ZNF285: variants seen among roughly 807,000 people sequenced by gnomAD.
The protein encoded by ZNF285 is zinc finger protein 285, also known as zinc finger protein 285A.
Under a neutral mutation model 6.2 loss-of-function variants are expected in ZNF285, and 4 were observed. That is an observed-to-expected ratio of 0.65 (90% confidence interval 0.32 to 1.49). The LOEUF is 1.49. Among genes scored for constraint, ZNF285 ranks in the 40% most tolerant of loss-of-function variants. The pLI is 0.07. For synonymous variants in ZNF285, 240 were observed against 245.8 expected, an observed-to-expected ratio of 0.98 and a Z score of 0.22; for missense variants, 695 against 708.8, an observed-to-expected ratio of 0.98 and a Z score of 0.22.
In ZNF285 at chr19:44,384,905, G is replaced by A. The variant is rs936092990; in HGVS notation, c.*1567C>T. On this transcript the variant is annotated 3_prime_UTR_variant, in exon 4 of 4. Coordinates refer to ENST00000614994, the MANE Select transcript of ZNF285 (RefSeq NM_152354.6). ...CCCAGCTACTCAGGAGGCTGAGGCA[G>A]GAGGATCACTGAAGCCAGGAGTTCA... The A allele has an allele frequency of 4.6e-5, 7 of 150,930 alleles. No homozygotes were observed. Among genetic ancestry groups the A allele is most frequent in the African/African-American group, 1.7e-4 (7 of 40,794 alleles). 9.3% of individuals were successfully genotyped at this position (150,930 alleles called of 1,614,324 possible).
intron 3 of ZNF285, among the ~76,000 whole-genome samples, chr19:44,388,564 C>A (rs1402179808): frequency 6.6e-6 from 1 of 151,952 alleles, no homozygotes; most frequent in Non-Finnish European, 1.5e-5. Flanking sequence ...AGAGCAAGAC[C>A]TTTCCACCCC....
At position 44,382,966 on chromosome 19, in the gene ZNF285, C is replaced by T. The variant is rs1331397597; in HGVS notation, c.*3506G>A. 1 of 152,184 alleles carries T rather than the reference C, an allele frequency of 6.6e-6. No individual in the cohort carries two copies. The highest frequency in any genetic ancestry group is 1.5e-5 in the Non-Finnish European group (1 of 68,036). The allele number at this position is 152,184 out of a possible 1,614,324, so 9.4% of individuals were successfully genotyped here. ...GGCCCCAGATAGCTCCTCACCTAGG[C>T]ATCCCAAAGGGAACTCCCAGAATTA... On this transcript the variant is annotated 3_prime_UTR_variant, in exon 4 of 4. Transcript: ENST00000614994.
At position 44,387,501 on chromosome 19, in the gene ZNF285, A is replaced by C. The variant is rs1372696154; in HGVS notation, c.744T>G (p.His248Gln). 1 of 1,614,018 alleles carries C rather than the reference A, an allele frequency of 6.2e-7. No individual in the cohort carries two copies. The part of the protein sequence containing the change: ...GVAFADDTDP[H>Q]VHHSTHLGEK... ...CTCCTAGGTGAGTGCTGTGATGGACATGAGGATCTGTATCATCTGCAAAGG... is the reference window on the plus strand; with the variant it reads ...CTCCTAGGTGAGTGCTGTGATGGACCTGAGGATCTGTATCATCTGCAAAGG... The change falls in exon 4 of 4, where the codon CAT becomes CAG. Residue 248 changes from histidine (H) to glutamine (Q), a missense_variant. By Grantham distance (24) the His-to-Gln change is conservative. Transcript: ENST00000614994.
In ZNF285 at chr19:44,387,691, A is replaced by G; in HGVS notation, c.554T>C (p.Leu185Pro). 1.2e-6 allele frequency: 2 copies of G among 1,613,786 alleles called. No individual in the cohort carries two copies. The highest frequency in any genetic ancestry group is 8.5e-7 in the Non-Finnish European group (1 of 1,179,842). ...LYRRAQHDDS[L>P]SWTSCDHHES... ...ATGATGATCACATGAGGTCCAACTG[A>G]GGCTGTCATCATGCTGAGCACGTCT... Residue 185 changes from leucine to proline, a missense_variant, in exon 4 of 4, where the codon CTC becomes CCC. Transcript: ENST00000614994.
In ZNF285 at chr19:44,392,442, C is replaced by T. The variant is rs1425013296; in HGVS notation, c.40G>A (p.Ala14Thr). 1 of 1,613,860 alleles carries T rather than the reference C, an allele frequency of 6.2e-7. No homozygotes were observed. Among genetic ancestry groups the T allele is most frequent in the Non-Finnish European group, 8.5e-7 (1 of 1,179,838 alleles). ...FQERVTFKDV[A>T]VVFTKEELAL... ...AGCTCTTCCTTGGTGAAGACAACAG[C>T]CACATCCTTGAATGTCACCCTTTCC... The change falls in exon 3 of 4, where the codon GCT (alanine) becomes ACT (threonine). Residue 14 changes from alanine (A) to threonine (T), a missense_variant. Coordinates refer to ENST00000614994, the MANE Select transcript of ZNF285 (RefSeq NM_152354.6).
At chr19:44,388,205 T>A (rs549437368) in intron 3 of ZNF285, 103 bp from the exon 4 acceptor site, 1 of 1,059,670 alleles carries the variant, frequency 9.4e-7, no homozygotes, top group East Asian at 2.4e-5. Flanking sequence ...CCCTGGGTTC[T>A]ATTGACGTAT....
intron 1 of ZNF285, among the ~76,000 whole-genome samples, chr19:44,399,830 G>A (rs1447457703): frequency 6.6e-6 from 1 of 152,154 alleles, no homozygotes; most frequent in African/African-American, 2.4e-5. Flanking sequence ...ATCCTGGGGA[G>A]TGACAGGGAG....
intron 2 of ZNF285, among the ~76,000 whole-genome samples, chr19:44,396,006 G>C (rs2571134): frequency 0.33 from 49,666 of 151,992 alleles, 11,497 homozygotes; most frequent in East Asian, 0.75. Flanking sequence ...GTGAACATTT[G>C]GTGAACTGTT....
rs1440961309 is a variant in ZNF285 at position 44,387,066 on chromosome 19, G to T, written c.1179C>A (p.Val393=). 6.2e-7 allele frequency: 1 copy of T among 1,613,954 alleles called. No homozygotes were observed. The highest frequency in any genetic ancestry group is 8.5e-7 in the Non-Finnish European group (1 of 1,180,006). The change falls in exon 4 of 4, where the codon GTC becomes GTA. Residue 393 remains valine, a synonymous_variant. Coordinates refer to ENST00000614994, the MANE Select transcript of ZNF285 (RefSeq NM_152354.6). ...QSSNLLVHQR[V]HTGEKPYKCS... The stretch of plus-strand genomic sequence containing the variant: ...ATTTGTAGGGCTTCTCTCCAGTGTG[G>T]ACTCTCTGATGGACAAGAAGGTTGG...
rs1491085045 is a variant in ZNF285, at chr19:44,386,638, CCT to C, written c.1605_1606del (p.Gly536ArgfsTer5). On this transcript the variant is annotated frameshift_variant, in exon 4 of 4. Coordinates refer to ENST00000614994, the MANE Select transcript of ZNF285 (RefSeq NM_152354.6). LOFTEE classifies it low-confidence loss of function (END_TRUNC). ...TGCCTTACACTTATAGGGCCTCTCT[CCT>C]GTGTGGACTCTGAGGTGAACATTAA... 1.2e-6 allele frequency: 2 copies of C among 1,614,036 alleles called. No homozygotes were observed. The highest frequency in any genetic ancestry group is 2.2e-5 in the East Asian group (1 of 44,894).
chr19:44,393,812 G>C (rs1971236360), intron 2 of ZNF285, among the ~76,000 whole-genome samples: 1 of 152,044 alleles, frequency 6.6e-6, no homozygotes, highest in Admixed American at 6.6e-5. Flanking sequence ...ACTGCTGGTG[G>C]GACTGTAAAC....
Position 44,387,117 on chromosome 19 carries a change from C to T in ZNF285, c.1128G>A (p.Glu376=). 1 of 1,614,204 alleles carries T rather than the reference C, an allele frequency of 6.2e-7. No individual in the cohort carries two copies. The highest frequency in any genetic ancestry group is 8.5e-7 in the Non-Finnish European group (1 of 1,180,032). The part of the protein sequence containing the change: ...HTGKKPYKCE[E]CGKGFDQSSN... ...AGCTCTGATCAAAGCCCTTCCCACA[C>T]TCTTCACATTTATAGGGCTTTTTCC... Residue 376 remains glutamate (E), a synonymous_variant, in exon 4 of 4, where the codon GAG becomes GAA. Transcript: ENST00000614994.
intron 2 of ZNF285, among the ~76,000 whole-genome samples, chr19:44,393,179 T>C (rs1971225878): frequency 1.3e-5 from 2 of 152,214 alleles, no homozygotes; most frequent in Non-Finnish European, 2.9e-5. Flanking sequence ...GGATGAATTA[T>C]AGTAATGCCT....
rs185751610 is a variant in ZNF285, at chr19:44,387,166, C to A, written c.1079G>T (p.Cys360Phe). 1 of 1,613,598 alleles carries A rather than the reference C, an allele frequency of 6.2e-7. No homozygotes were observed. Among genetic ancestry groups the A allele is most frequent in the Non-Finnish European group, 8.5e-7 (1 of 1,179,880 alleles). Reference sequence around the variant, plus strand: ...CCCTGTGTGTACTCCCTGATGAATACAAAGAAGTGACCTAAATCCAAACCC... The same window carrying A: ...CCCTGTGTGTACTCCCTGATGAATAAAAAGAAGTGACCTAAATCCAAACCC... ...GKGFGFRSLL[C>F]IHQGVHTGKK... Residue 360 changes from cysteine to phenylalanine, a missense_variant, in exon 4 of 4, where the codon TGT becomes TTT. Cys to Phe is a radical substitution (Grantham distance 205). Coordinates refer to ENST00000614994, the MANE Select transcript of ZNF285 (RefSeq NM_152354.6).
In ZNF285 at chr19:44,383,189, T is replaced by G. The variant is rs1971026819; in HGVS notation, c.*3283A>C. ...TACAGGTGGATTTGAATTTTATAAG[T>G]AAATAACATTATTCTCTAGCATAAA... On this transcript the variant is annotated 3_prime_UTR_variant, in exon 4 of 4. Transcript: ENST00000614994. 6.6e-6 allele frequency: 1 copy of G among 152,230 alleles called. No homozygotes were observed. The highest frequency in any genetic ancestry group is 2.1e-4 in the South Asian group (1 of 4,834). The allele number at this position is 152,230 out of a possible 1,614,324, so 9.4% of individuals were successfully genotyped here. A position where few individuals can be genotyped will look rare whatever the true frequency, so the allele number is the denominator to read the frequency against.
chr19:44,395,893 G>T (rs543138461), intron 2 of ZNF285, among the ~76,000 whole-genome samples: 32 of 152,250 alleles, frequency 2.1e-4, no homozygotes, highest in African/African-American at 7.2e-4. Flanking sequence ...AAAACGAGCA[G>T]AGTGCTACCA....
intron 1 of ZNF285, among the ~76,000 whole-genome samples, chr19:44,399,604 G>T (rs1366826619): frequency 1.3e-5 from 2 of 151,862 alleles, no homozygotes; most frequent in Non-Finnish European, 2.9e-5. Context: ...AATGGGACAG[G>T]TTTATTTTGA....
At chr19:44,399,715 G>A (rs534801839) in intron 1 of ZNF285, among the ~76,000 whole-genome samples, 218 of 151,628 alleles carry the variant, frequency 1.4e-3, no homozygotes, top group African/African-American at 4.6e-3. Flanking sequence ...AGTCAGGGCC[G>A]TGGCACGAAC....
At chr19:44,395,983 G>A (rs1179205701) in intron 2 of ZNF285, among the ~76,000 whole-genome samples, 1 of 152,104 alleles carries the variant, frequency 6.6e-6, no homozygotes, top group Non-Finnish European at 1.5e-5. Flanking sequence ...ATGGTGACCT[G>A]GGTGATGCAG....
Sources: gnomAD v4.1 joint callset for allele counts (sites outside exome capture counted in the v4.1 genomes callset) on GRCh38, gnomAD v4.1.1 for gene constraint, MANE v1.5 for transcripts, NCBI Gene and HGNC (gene_info 2026-07-23, HGNC 2026-07-21) for gene names.